The following ZNF215 variants were observed in gnomAD, a reference collection of about 807,000 sequenced individuals.
ZNF215 encodes the protein BWSCR2-associated zinc finger protein 2.
ZNF215 carries 24 observed loss-of-function variants against 27.2 expected under a neutral mutation model. That is an observed-to-expected ratio of 0.88 (90% CI 0.64 to 1.24). The LOEUF (loss-of-function observed/expected upper bound fraction) is 1.24, where lower values mean the gene tolerates loss of function less well. Among genes scored for constraint, ZNF215 ranks in the 50% most tolerant of loss-of-function variants. The probability of loss-of-function intolerance (pLI) is 0.00; values close to 1 mark genes in which losing one functional copy is unlikely to be tolerated. For missense variants in ZNF215, 675 were observed against 605.7 expected, an observed-to-expected ratio of 1.11 and a Z score of -1.20; for synonymous variants, 210 against 204.0, an observed-to-expected ratio of 1.03 and a Z score of -0.25.
At chr11:6,951,433 G>T (rs987008118) in intron 6 of ZNF215, among the ~76,000 whole-genome samples, 1 of 152,212 alleles carries the variant, frequency 6.6e-6, no homozygotes, top group Non-Finnish European at 1.5e-5. Context: ...TCTGTTCAGA[G>T]ATTCAGCTTC....
At position 6,956,534 on chromosome 11, in the gene ZNF215, A is replaced by G; in HGVS notation, c.*3A>G. Reference sequence around the variant, plus strand: ...TGCATACTCGAGATAAGTCCTGAAAAAAGAAAAAATGAAAGATTACCTTCA... The same window carrying G: ...TGCATACTCGAGATAAGTCCTGAAAGAAGAAAAAATGAAAGATTACCTTCA... On this transcript the variant is annotated 3_prime_UTR_variant, in exon 7 of 7. Transcript: ENST00000278319. 1.3e-6 allele frequency: 2 copies of G among 1,555,880 alleles called. No individual in the cohort carries two copies. Among genetic ancestry groups the G allele is most frequent in the South Asian group, 2.4e-5 (2 of 81,678 alleles).
intron 4 of ZNF215, among the ~76,000 whole-genome samples, chr11:6,942,399 T>C (rs1180281716): frequency 6.6e-6 from 1 of 152,216 alleles, no homozygotes; most frequent in East Asian, 1.9e-4. Context: ...CAGATACTGT[T>C]CTGAGGGCTG....
chr11:6,943,745 G>A, intron 6 of ZNF215, 104 bp downstream of exon 6: 1 of 905,136 alleles, frequency 1.1e-6, no homozygotes, highest in Non-Finnish European at 1.7e-6. Flanking sequence ...GAAGGAGATA[G>A]CAAAACCTAA....
rs531942952 is a variant in ZNF215 at position 6,969,439 on chromosome 11, T to TA, written c.805+13665dup. 1.5e-3 allele frequency among the ~76,000 whole-genome samples: 232 copies of TA among 152,038 alleles called. 1 individual carries two copies. Among genetic ancestry groups the TA allele is most frequent in the Non-Finnish European group, 2.4e-3 (165 of 67,954 alleles). On this transcript the variant is annotated intron_variant, in intron 5 of 5. Transcript: ENST00000529903. Reference sequence around the variant, plus strand: ...GCCACCACAGAGAAAAAAGCTCTACTAAAAAAAATACTTTTTTCCAAAAGC... The same window carrying TA: ...GCCACCACAGAGAAAAAAGCTCTACTAAAAAAAAATACTTTTTTCCAAAAGC...
intron 6 of ZNF215, among the ~76,000 whole-genome samples, chr11:6,948,225 ACT>A (rs1464243909): frequency 6.6e-6 from 1 of 151,920 alleles, no homozygotes; most frequent in Non-Finnish European, 1.5e-5. Context: ...AAATATATTT[ACT>A]CTCTCATAAT....
At chr11:6,972,327 T>G (rs78177503) in intron 5 of ZNF215, among the ~76,000 whole-genome samples, 5,678 of 151,958 alleles carry the variant, frequency 0.037, 159 homozygotes, top group Non-Finnish European at 0.06. Context: ...AAATAAGACT[T>G]TATTTACAAA....
intron 6 of ZNF215, among the ~76,000 whole-genome samples, chr11:6,944,296 T>C (rs1045812464): frequency 2.0e-5 from 3 of 151,708 alleles, no homozygotes; most frequent in Non-Finnish European, 2.9e-5. Flanking sequence ...GCTACATCAA[T>C]GAAAATTACC....
At chr11:6,968,543 C>T (rs1215577184) in intron 5 of ZNF215, among the ~76,000 whole-genome samples, 5 of 136,388 alleles carry the variant, frequency 3.7e-5, no homozygotes, top group African/African-American at 1.4e-4. Flanking sequence ...TTTTTTTGAA[C>T]AGGCACTCTG....
chr11:6,951,821 A>G (rs1247878474), intron 6 of ZNF215, among the ~76,000 whole-genome samples: 1 of 151,676 alleles, frequency 6.6e-6, no homozygotes. Context: ...TTTAATTGTG[A>G]TGTTAGGGTG....
rs915506469 is a variant in ZNF215 at position 6,943,660 on chromosome 11, T to A, written c.712+19T>A. 3.2e-6 allele frequency: 5 copies of A among 1,564,006 alleles called. No homozygotes were observed. The highest frequency in any genetic ancestry group is 1.7e-4 in the Middle Eastern group (1 of 5,974). On this transcript the variant is annotated intron_variant, in intron 6 of 6. Transcript: ENST00000278319. ...ATTTTTGGTAAGAACCAGGTAGATA[T>A]GAGGCCATAGTAAGAAGCTTCTGTT...
At chr11:6,961,659 G>A (rs1006563948), downstream of ZNF215, among the ~76,000 whole-genome samples, 13 of 152,020 alleles carry the variant, frequency 8.6e-5, no homozygotes, top group Non-Finnish European at 1.5e-4. Flanking sequence ...GACTGCCATC[G>A]GGCCTTTTGG....
intron 5 of ZNF215, among the ~76,000 whole-genome samples, chr11:6,971,480 G>C: frequency 6.6e-6 from 1 of 152,006 alleles, no homozygotes; most frequent in East Asian, 1.9e-4. Flanking sequence ...GTACTATTTT[G>C]TATCCCATCA....
chr11:6,988,994 T>G (rs1046267432), downstream of ZNF215: 12 of 151,442 alleles, frequency 7.9e-5, no homozygotes, highest in African/African-American at 2.7e-4. Context: ...CCATCTCTAT[T>G]AAAAATACAA....
At position 6,932,437 on chromosome 11, in the gene ZNF215, G is replaced by A. The variant is rs779349272; in HGVS notation, c.165G>A (p.Gln55=). Residue 55 remains glutamine, a synonymous_variant, in exon 3 of 7, where the codon CAG becomes CAA. Transcript: ENST00000278319. ...CTCGTCAAAAGTTCAGACATTTCCA[G>A]TATTTGAAAGTGTCTGGGCCCCATG... ...EASRQKFRHF[Q]YLKVSGPHEA... is the part of the protein sequence containing the mutation. 2 of 1,614,168 alleles carry A rather than the reference G, an allele frequency of 1.2e-6. No individual in the cohort carries two copies. The highest frequency in any genetic ancestry group is 1.7e-6 in the Non-Finnish European group (2 of 1,180,030).
In ZNF215 at chr11:6,951,069, A is replaced by C. The variant is rs548464257; in HGVS notation, c.713-4621A>C. Among the ~76,000 whole-genome samples the C allele has an allele frequency of 4.7e-3, 713 of 152,204 alleles. 12 individuals carry two copies. Among genetic ancestry groups the C allele is most frequent in the African/African-American group, 0.016 (668 of 41,514 alleles). ...TGCGTATATTGAACCAGCCTTGCATACCAGGGATGAAGCCCACTTGATCAT... is the reference window on the plus strand; with the variant it reads ...TGCGTATATTGAACCAGCCTTGCATCCCAGGGATGAAGCCCACTTGATCAT... On this transcript the variant is annotated intron_variant, in intron 6 of 6. Coordinates refer to ENST00000278319, the MANE Select transcript of ZNF215 (RefSeq NM_013250.4).
intron 5 of ZNF215, among the ~76,000 whole-genome samples, chr11:6,963,204 T>TCTCAC (rs1196546074): frequency 1.3e-5 from 2 of 151,238 alleles, no homozygotes; most frequent in East Asian, 3.9e-4. Context: ...TCTCTCCTAT[T>TCTCAC]CTTTTATAGT....
chr11:6,956,627 G>T lies in ZNF215; in HGVS notation c.*96G>T. Reference sequence around the variant, plus strand: ...ATAAAATCTCATGAATATAATGTAAGAAAACATTTGTCAGATTTTTCTTTA... The same window carrying T: ...ATAAAATCTCATGAATATAATGTAATAAAACATTTGTCAGATTTTTCTTTA... On this transcript the variant is annotated 3_prime_UTR_variant, in exon 7 of 7. Transcript: ENST00000278319. 1 of 1,425,720 alleles carries T rather than the reference G, an allele frequency of 7.0e-7. No homozygotes were observed. The allele number at this position is 1,425,720 out of a possible 1,614,324, so 88.3% of individuals were successfully genotyped here.
At chr11:6,977,494 A>G (rs1169689975) in intron 5 of ZNF215, among the ~76,000 whole-genome samples, 3 of 152,022 alleles carry the variant, frequency 2.0e-5, no homozygotes, top group Non-Finnish European at 4.4e-5. Flanking sequence ...AGAAACTATT[A>G]TATTTGGAGA....
downstream of ZNF215, among the ~76,000 whole-genome samples, chr11:6,991,086 A>C (rs1462485194): frequency 6.6e-6 from 1 of 152,232 alleles, no homozygotes; most frequent in African/African-American, 2.4e-5. Context: ...TTCCAGCCTC[A>C]TCATGTGAGA....
Sources: allele counts gnomAD v4.1 joint callset (sites outside exome capture counted in the v4.1 genomes callset), GRCh38; gene constraint gnomAD v4.1.1; transcripts MANE v1.5; gene names NCBI Gene and HGNC (gene_info 2026-07-23, HGNC 2026-07-21).